Variants in VEGFC observed in about 807,000 individuals in gnomAD.
VEGFC encodes FLT4 ligand DHM.
A neutral mutation model predicts 46.1 loss-of-function variants in VEGFC; 12 were observed. The observed-to-expected ratio is 0.26, with a 90% confidence interval of 0.17 to 0.42. The LOEUF is 0.42. Ranked by LOEUF, VEGFC falls within the 10% of genes least tolerant of loss-of-function variation. The pLI is 1.00. For synonymous variants in VEGFC, 232 were observed against 195.5 expected, an observed-to-expected ratio of 1.19 and a Z score of -1.56; for missense variants, 488 against 529.4, an observed-to-expected ratio of 0.92 and a Z score of 0.77.
intron 3 of VEGFC, among the ~76,000 whole-genome samples, chr4:176,722,501 T>TG (rs1209169710): frequency 1.6e-5 from 2 of 121,952 alleles, no homozygotes; most frequent in Non-Finnish European, 1.8e-5. Context: ...TTTTTTTTGT[T>TG]TTTTTTTTTT....
At chr4:176,782,741 T>A (rs1021812190) in intron 1 of VEGFC, among the ~76,000 whole-genome samples, 2 of 152,190 alleles carry the variant, frequency 1.3e-5, no homozygotes, top group Non-Finnish European at 2.9e-5. Flanking sequence ...ATTATCTAAT[T>A]TTTAATGTAC....
rs147286405 is a variant in VEGFC, at chr4:176,749,689, A to G, written c.148-19943T>C. Among the ~76,000 whole-genome samples the G allele has an allele frequency of 2.0e-3, 305 of 151,994 alleles. 1 individual carries two copies. Among genetic ancestry groups the G allele is most frequent in the African/African-American group, 6.9e-3 (287 of 41,568 alleles). On this transcript the variant is annotated intron_variant, in intron 1 of 6. Coordinates refer to ENST00000618562, the MANE Select transcript of VEGFC (RefSeq NM_005429.5). ...GAACATAAAAAATAAAATCTTAGAA[A>G]GTGGTCAAATATATACCAAAAATCC...
intron 3 of VEGFC, among the ~76,000 whole-genome samples, chr4:176,718,632 C>T (rs1288072933): frequency 1.3e-5 from 2 of 152,184 alleles, no homozygotes; most frequent in Non-Finnish European, 2.9e-5. Context: ...AGCAAGCTAG[C>T]TTCTTAACTA....
chr4:176,721,389 A>C (rs1486079004), intron 3 of VEGFC, among the ~76,000 whole-genome samples: 1 of 152,216 alleles, frequency 6.6e-6, no homozygotes, highest in African/African-American at 2.4e-5. Context: ...CAATGTTATC[A>C]AGGAGTTTTT....
chr4:176,740,307 A>G, intron 1 of VEGFC, among the ~76,000 whole-genome samples: 1 of 121,342 alleles, frequency 8.2e-6, no homozygotes, highest in Non-Finnish European at 1.6e-5. Flanking sequence ...TATAGAGTAT[A>G]TATAACTATA....
At chr4:176,690,688 TA>T (rs1398867248) in intron 4 of VEGFC, among the ~76,000 whole-genome samples, 2 of 152,230 alleles carry the variant, frequency 1.3e-5, no homozygotes, top group Admixed American at 1.3e-4. Flanking sequence ...TGATACAACT[TA>T]TATTAAGTTC....
chr4:176,771,596 G>A (rs1296097723), intron 1 of VEGFC, among the ~76,000 whole-genome samples: 2 of 152,120 alleles, frequency 1.3e-5, no homozygotes, highest in Admixed American at 1.3e-4. Flanking sequence ...TTCTCTGTGA[G>A]TAACGTGTAA....
chr4:176,693,642 C>T (rs1302354280), intron 4 of VEGFC, among the ~76,000 whole-genome samples: 1 of 146,722 alleles, frequency 6.8e-6, no homozygotes, highest in Non-Finnish European at 1.5e-5. Context: ...CAAAGATACT[C>T]CTCGAGAAGA....
At chr4:176,714,374 G>T (rs952121722) in intron 3 of VEGFC, among the ~76,000 whole-genome samples, 12 of 152,258 alleles carry the variant, frequency 7.9e-5, no homozygotes, top group African/African-American at 2.4e-4. Context: ...CAAGCTTCCT[G>T]AGGCATCACC....
At chr4:176,782,423 C>T (rs1245958758) in intron 1 of VEGFC, among the ~76,000 whole-genome samples, 1 of 150,572 alleles carries the variant, frequency 6.6e-6, no homozygotes, top group Non-Finnish European at 1.5e-5. Flanking sequence ...ACGTTCATGC[C>T]ACTGCACTGC....
chr4:176,723,960 G>A (rs1487943884), intron 3 of VEGFC, among the ~76,000 whole-genome samples: 1 of 151,256 alleles, frequency 6.6e-6, no homozygotes, highest in Non-Finnish European at 1.5e-5. Flanking sequence ...GTTTGGGGGT[G>A]CATGTGCAGG....
chr4:176,772,951 A>C (rs1208516919), intron 1 of VEGFC, among the ~76,000 whole-genome samples: 1 of 152,228 alleles, frequency 6.6e-6, no homozygotes, highest in African/African-American at 2.4e-5. Context: ...ATACCTACCC[A>C]AAGTACATTC....
chr4:176,767,123 TAA>T (rs70964805), intron 1 of VEGFC, among the ~76,000 whole-genome samples: 1 of 50,480 alleles, frequency 2.0e-5, no homozygotes, highest in Non-Finnish European at 3.5e-5. Context: ...TGTAGAAATC[TAA>T]AAAAAAAAAA....
At chr4:176,700,979 G>A (rs906394099) in intron 4 of VEGFC, among the ~76,000 whole-genome samples, 1 of 152,166 alleles carries the variant, frequency 6.6e-6, no homozygotes, top group African/African-American at 2.4e-5. Flanking sequence ...GGAACACGGA[G>A]ACTTTTAGGG....
intron 1 of VEGFC, among the ~76,000 whole-genome samples, chr4:176,739,237 C>T (rs1735113902): frequency 6.6e-6 from 1 of 151,628 alleles, no homozygotes; most frequent in East Asian, 2.0e-4. Context: ...TTCTGAAAGA[C>T]AGTGTGGTGA....
intron 3 of VEGFC, among the ~76,000 whole-genome samples, chr4:176,721,596 ATG>A (rs1734787983): frequency 6.6e-6 from 1 of 152,186 alleles, no homozygotes; most frequent in Non-Finnish European, 1.5e-5. Context: ...GGTCCTAGAG[ATG>A]TTTGCAAGGT....
intron 1 of VEGFC, among the ~76,000 whole-genome samples, chr4:176,735,355 G>A (rs905415271): frequency 6.6e-6 from 1 of 151,840 alleles, no homozygotes; most frequent in Admixed American, 6.6e-5. Context: ...GTTAGTGATT[G>A]TGTATTTTTA....
At chr4:176,777,234 T>C (rs866939951) in intron 1 of VEGFC, among the ~76,000 whole-genome samples, 1 of 152,068 alleles carries the variant, frequency 6.6e-6, no homozygotes, top group Non-Finnish European at 1.5e-5. Context: ...GGACAATGGC[T>C]TGAACCCAGG....
At chr4:176,711,725 C>T (rs1026311065) in intron 3 of VEGFC, 75 bp from the exon 4 acceptor site, 27 of 1,473,584 alleles carry the variant, frequency 1.8e-5, no homozygotes, top group South Asian at 6.2e-5. Context: ...TATTGGAGTC[C>T]GAAAAAGAGT....
Sources: allele counts gnomAD v4.1 joint callset (sites outside exome capture counted in the v4.1 genomes callset), GRCh38; gene constraint gnomAD v4.1.1; transcripts MANE v1.5; gene names NCBI Gene and HGNC (gene_info 2026-07-23, HGNC 2026-07-21).